ERBB4: variants seen among roughly 807,000 people sequenced by gnomAD.
ERBB4 encodes the protein receptor tyrosine-protein kinase erbB-4.
ERBB4 carries 42 observed loss-of-function variants against 158.0 expected under a neutral mutation model. The ratio of observed to expected loss-of-function variants is 0.27; its 90% confidence interval spans 0.21 to 0.34. The LOEUF (loss-of-function observed/expected upper bound fraction) is 0.34. Ranked by LOEUF, ERBB4 falls within the 10% of genes least tolerant of loss-of-function variation. The pLI is 1.00. For synonymous variants in ERBB4, 583 were observed against 558.7 expected (o/e 1.04, Z -0.61); for missense variants, 1,333 against 1,624.1 (o/e 0.82, Z 3.08).
intron 3 of ERBB4, among the ~76,000 whole-genome samples, chr2:211,944,949 C>T (rs1158430256): frequency 1.3e-5 from 2 of 152,120 alleles, no homozygotes; most frequent in Admixed American, 1.3e-4. Flanking sequence ...TGTCTCCCCT[C>T]ATTTTATACC....
intron 1 of ERBB4, among the ~76,000 whole-genome samples, chr2:212,136,867 A>G (rs1431164496): frequency 6.6e-6 from 1 of 152,164 alleles, no homozygotes; most frequent in African/African-American, 2.4e-5. Flanking sequence ...GATGATTTAC[A>G]TATAAAGCCT....
chr2:212,416,486 AAATAG>A (rs1373453067), intron 1 of ERBB4, among the ~76,000 whole-genome samples: 1 of 152,152 alleles, frequency 6.6e-6, no homozygotes, highest in African/African-American at 2.4e-5. Context: ...TATATTAAAA[AAATAG>A]AATAAAGATC....
intron 19 of ERBB4, among the ~76,000 whole-genome samples, chr2:211,597,250 C>T (rs2068661910): frequency 6.6e-6 from 1 of 152,076 alleles, no homozygotes; most frequent in Admixed American, 6.6e-5. Context: ...GGGGATGAGG[C>T]ATATCTAATC....
chr2:212,366,379 G>C (rs906221644), intron 1 of ERBB4, among the ~76,000 whole-genome samples: 2 of 152,084 alleles, frequency 1.3e-5, no homozygotes, highest in South Asian at 4.1e-4. Flanking sequence ...ACACATCACA[G>C]AGGATATAAA....
chr2:212,159,444 A>T (rs2081140221), intron 1 of ERBB4, among the ~76,000 whole-genome samples: 1 of 151,992 alleles, frequency 6.6e-6, no homozygotes, highest in African/African-American at 2.4e-5. Flanking sequence ...CAGATTTTAC[A>T]TTCGTATAAT....
chr2:211,796,057 T>C (rs529704425), intron 3 of ERBB4, among the ~76,000 whole-genome samples: 3 of 151,880 alleles, frequency 2.0e-5, no homozygotes, highest in Non-Finnish European at 2.9e-5. Context: ...ATGTGCATTA[T>C]CATATTCAAT....
At chr2:212,345,340 T>C (rs916604177) in intron 1 of ERBB4, among the ~76,000 whole-genome samples, 30 of 151,468 alleles carry the variant, frequency 2.0e-4, no homozygotes, top group African/African-American at 7.3e-4. Flanking sequence ...TTATTATTGC[T>C]ATTCCTAACA....
At chr2:212,231,491 A>G (rs958002117) in intron 1 of ERBB4, among the ~76,000 whole-genome samples, 3 of 152,250 alleles carry the variant, frequency 2.0e-5, no homozygotes, top group Admixed American at 2.0e-4. Context: ...AGCATTAAAA[A>G]ATTGGCTCTT....
At chr2:212,410,347 C>T (rs1560244060) in intron 1 of ERBB4, among the ~76,000 whole-genome samples, 2 of 151,884 alleles carry the variant, frequency 1.3e-5, no homozygotes, top group African/African-American at 2.4e-5. Context: ...CAAATCATCA[C>T]AAATAAGTTG....
In ERBB4 at chr2:211,706,610, A is replaced by AC. The variant is rs1559440030; in HGVS notation, c.1125-1220_1125-1219insG. On this transcript the variant is annotated intron_variant, in intron 9 of 27. Transcript: ENST00000342788. ...CCACATCTTAAAAAAACAAAAAAAAAAAAAACAAAAAAAACTTTGCTTGAT... is the reference window on the plus strand; with the variant it reads ...CCACATCTTAAAAAAACAAAAAAAAACAAAAACAAAAAAAACTTTGCTTGAT... Among the ~76,000 whole-genome samples, 961 of 152,074 alleles carry AC rather than the reference A, an allele frequency of 6.3e-3. 7 individuals are homozygous for AC. Among genetic ancestry groups the AC allele is most frequent in the African/African-American group, 0.022 (907 of 41,492 alleles).
At chr2:212,521,904 AAC>A (rs1244443750) in intron 1 of ERBB4, among the ~76,000 whole-genome samples, 4 of 151,970 alleles carry the variant, frequency 2.6e-5, no homozygotes, top group Admixed American at 2.6e-4. Flanking sequence ...AATATAATGA[AAC>A]CACAATGTTA....
At chr2:211,508,544 CA>C (rs2065806774) in intron 20 of ERBB4, among the ~76,000 whole-genome samples, 3 of 152,226 alleles carry the variant, frequency 2.0e-5, no homozygotes, top group Non-Finnish European at 1.5e-5. Flanking sequence ...CAAATTAGTT[CA>C]ACCACTGTGG....
rs558904001 is a variant in ERBB4 at position 211,377,767 on chromosome 2, A to G, written c.*5848T>C. The G allele has an allele frequency of 4.3e-6, 1 of 232,572 alleles. No individual in the cohort carries two copies. Among genetic ancestry groups the G allele is most frequent in the African/African-American group, 2.2e-5 (1 of 45,440 alleles). 14.4% of individuals were successfully genotyped at this position (232,572 alleles called of 1,614,324 possible). On this transcript the variant is annotated 3_prime_UTR_variant, in exon 28 of 28. Coordinates refer to ENST00000342788, the MANE Select transcript of ERBB4 (RefSeq NM_005235.3). ...TATGTACAGCTTTTATGTAAAGATTAAATCGAAGTTCTACCAAGTGTATGT... is the reference window on the plus strand; with the variant it reads ...TATGTACAGCTTTTATGTAAAGATTGAATCGAAGTTCTACCAAGTGTATGT...
chr2:211,869,692 C>A (rs564442952), intron 3 of ERBB4, among the ~76,000 whole-genome samples: 2 of 152,118 alleles, frequency 1.3e-5, no homozygotes, highest in African/African-American at 4.8e-5. Flanking sequence ...TAACATTGGA[C>A]CCCCAAAATT....
At chr2:212,352,147 C>A (rs6711842) in intron 1 of ERBB4, among the ~76,000 whole-genome samples, 14,704 of 151,698 alleles carry the variant, frequency 0.097, 803 homozygotes, top group Admixed American at 0.14. Flanking sequence ...AGGAAGACAA[C>A]AAACACTGGG....
intron 20 of ERBB4, among the ~76,000 whole-genome samples, chr2:211,540,150 T>C (rs1345715323): frequency 6.6e-6 from 1 of 151,470 alleles, no homozygotes; most frequent in Non-Finnish European, 1.5e-5. Context: ...ATTATAAAGA[T>C]ACCTGCACCC....
chr2:211,446,618 T>G (rs1435722047), intron 20 of ERBB4, among the ~76,000 whole-genome samples: 1 of 152,172 alleles, frequency 6.6e-6, no homozygotes, highest in Non-Finnish European at 1.5e-5. Flanking sequence ...CTGAAAAATT[T>G]ATCTCATCTA....
intron 20 of ERBB4, among the ~76,000 whole-genome samples, chr2:211,511,602 C>T (rs1190145258): frequency 6.6e-6 from 1 of 151,980 alleles, no homozygotes. Flanking sequence ...AAGCAGTATG[C>T]TTTTCAGATA....
At chr2:211,790,388 T>G (rs2076254359) in intron 3 of ERBB4, among the ~76,000 whole-genome samples, 1 of 152,068 alleles carries the variant, frequency 6.6e-6, no homozygotes, top group African/African-American at 2.4e-5. Flanking sequence ...GGAGTCACAT[T>G]GTATTTCAAA....
Sources: allele counts gnomAD v4.1 joint callset (sites outside exome capture counted in the v4.1 genomes callset), GRCh38; gene constraint gnomAD v4.1.1; transcripts MANE v1.5; gene names NCBI Gene and HGNC (gene_info 2026-07-23, HGNC 2026-07-21).